Variants in ARFGEF3 observed in about 807,000 individuals in gnomAD.
ARFGEF3 encodes the protein ARFGEF family member 3.
In ARFGEF3, 96 loss-of-function variants were observed where a neutral mutation model predicts 221.7. The ratio of observed to expected loss-of-function variants is 0.43; its 90% confidence interval spans 0.37 to 0.51. The LOEUF is 0.51. Among genes scored for constraint, ARFGEF3 ranks in the 20% least tolerant of loss-of-function variants. The pLI, the probability that ARFGEF3 is intolerant of heterozygous loss-of-function variation, is 0.00. For synonymous variants in ARFGEF3, 1,145 were observed against 1,126.8 expected, an observed-to-expected ratio of 1.02 and a Z score of -0.32; for missense variants, 2,410 against 2,789.9, an observed-to-expected ratio of 0.86 and a Z score of 3.07.
At chr6:138,175,999 C>T (rs1399688282) in intron 2 of ARFGEF3, among the ~76,000 whole-genome samples, 1 of 151,958 alleles carries the variant, frequency 6.6e-6, no homozygotes, top group Non-Finnish European at 1.5e-5. Context: ...TATATAATGA[C>T]CTTCTTTGTC....
At position 138,265,973 on chromosome 6, in the gene ARFGEF3, T is replaced by C. The variant is rs144312138; in HGVS notation, c.2128+2362T>C. 5.9e-3 allele frequency among the ~76,000 whole-genome samples: 892 copies of C among 152,124 alleles called. 9 individuals carry two copies. The highest frequency in any genetic ancestry group is 0.021 in the African/African-American group (854 of 41,506). ...GCTCACACCTGCCATCCCAGCACTT[T>C]AGGAGGCTGAGACGGGTGGATTGCT... On this transcript the variant is annotated intron_variant, in intron 12 of 33. Coordinates refer to ENST00000251691, the MANE Select transcript of ARFGEF3 (RefSeq NM_020340.5).
At chr6:138,242,595 A>G (rs145120138) in intron 6 of ARFGEF3, among the ~76,000 whole-genome samples, 105 of 151,990 alleles carry the variant, frequency 6.9e-4, no homozygotes, top group African/African-American at 2.4e-3. Flanking sequence ...AAATTAACTC[A>G]CCTCTTCAGG....
intron 20 of ARFGEF3, among the ~76,000 whole-genome samples, chr6:138,296,164 A>G (rs544921794): frequency 6.6e-6 from 1 of 152,126 alleles, no homozygotes; most frequent in Non-Finnish European, 1.5e-5. Context: ...GTAGGCAAGG[A>G]TGGTACTAAA....
At chr6:138,163,591 G>A (rs1263858452) in intron 1 of ARFGEF3, among the ~76,000 whole-genome samples, 2 of 152,182 alleles carry the variant, frequency 1.3e-5, no homozygotes, top group Non-Finnish European at 2.9e-5. Context: ...TAGATAAACA[G>A]GGAGGAGGAG....
intron 8 of ARFGEF3, among the ~76,000 whole-genome samples, chr6:138,245,981 C>A (rs1356936823): frequency 6.6e-6 from 1 of 152,202 alleles, no homozygotes; most frequent in Non-Finnish European, 1.5e-5. Flanking sequence ...GCTGCCCTTT[C>A]TTCCTCTACC....
In ARFGEF3 at chr6:138,342,077, A is replaced by T. The variant is rs752834185; in HGVS notation, c.*5591A>T. 5.3e-5 allele frequency: 8 copies of T among 152,174 alleles called. No homozygotes were observed. The highest frequency in any genetic ancestry group is 1.2e-4 in the Non-Finnish European group (8 of 68,030). 9.4% of individuals were successfully genotyped at this position (152,174 alleles called of 1,614,324 possible). ...CCACCAACAACTGTTCGTACTGTTA[A>T]TTCCTATCCTGAAGGTTTAACCAGT... On this transcript the variant is annotated 3_prime_UTR_variant, in exon 34 of 34. Coordinates refer to ENST00000251691, the MANE Select transcript of ARFGEF3 (RefSeq NM_020340.5).
chr6:138,277,447 G>T (rs1779119480), intron 12 of ARFGEF3, among the ~76,000 whole-genome samples: 1 of 152,214 alleles, frequency 6.6e-6, no homozygotes, highest in South Asian at 2.1e-4. Context: ...ACAAACGTCT[G>T]TTCAAATCCC....
chr6:138,290,058 A>G, intron 18 of ARFGEF3, 90 bp downstream of exon 18: 1 of 1,222,472 alleles, frequency 8.2e-7, no homozygotes, highest in South Asian at 1.5e-5. Flanking sequence ...GGTGGCCTTA[A>G]GAGCCTGCCA....
rs1362172363 is a variant in ARFGEF3 at position 138,219,526 on chromosome 6, T to C, written c.351+9485T>C. ...CAGAGGTACCAGGACTTAATCCAGG[T>C]AGGTGGCAGTAGGAAGGGGCCACCT... On this transcript the variant is annotated intron_variant, in intron 4 of 33. Coordinates refer to ENST00000251691, the MANE Select transcript of ARFGEF3 (RefSeq NM_020340.5). Among the ~76,000 whole-genome samples, 6 of 152,290 alleles carry C rather than the reference T, an allele frequency of 3.9e-5. No homozygotes were observed. The East Asian group carries it at 1.2e-3, about 29-fold the overall frequency.
At chr6:138,182,696 T>C (rs1419071671) in intron 2 of ARFGEF3, among the ~76,000 whole-genome samples, 2 of 152,236 alleles carry the variant, frequency 1.3e-5, no homozygotes, top group African/African-American at 4.8e-5. Context: ...TGAGTAATTA[T>C]GTAATTAAAT....
intron 1 of ARFGEF3, among the ~76,000 whole-genome samples, chr6:138,166,966 C>T (rs1776735501): frequency 6.6e-6 from 1 of 152,182 alleles, no homozygotes; most frequent in Non-Finnish European, 1.5e-5. Context: ...TCACCTTCTA[C>T]TCTGTCTTCA....
chr6:138,236,814 CA>C (rs749106703), intron 5 of ARFGEF3, among the ~76,000 whole-genome samples: 5 of 152,168 alleles, frequency 3.3e-5, no homozygotes, highest in Admixed American at 6.5e-5. Flanking sequence ...ATTGTATCTT[CA>C]AATCCACTAT....
chr6:138,187,974 A>G (rs561229885), intron 2 of ARFGEF3, among the ~76,000 whole-genome samples: 1 of 152,344 alleles, frequency 6.6e-6, no homozygotes, highest in South Asian at 2.1e-4. Flanking sequence ...AGGGAAAGGA[A>G]AAACACCTGT....
chr6:138,258,415 G>A (rs1350737921), intron 10 of ARFGEF3, among the ~76,000 whole-genome samples: 2 of 152,182 alleles, frequency 1.3e-5, no homozygotes, highest in South Asian at 2.1e-4. Flanking sequence ...TCTGGGGGGA[G>A]AAGTGACTTG....
In ARFGEF3 at chr6:138,291,958, C is replaced by T. The variant is rs991895099; in HGVS notation, c.3273C>T (p.Gly1091=). 1 of 1,530,736 alleles carries T rather than the reference C, an allele frequency of 6.5e-7. No homozygotes were observed. Among genetic ancestry groups the T allele is most frequent in the Non-Finnish European group, 8.8e-7 (1 of 1,140,374 alleles). 94.8% of individuals were successfully genotyped at this position (1,530,736 alleles called of 1,614,324 possible). Residue 1091 remains glycine (G), a synonymous_variant, in exon 19 of 34, where the codon GGC becomes GGT. Coordinates refer to ENST00000251691, the MANE Select transcript of ARFGEF3 (RefSeq NM_020340.5). This position sits in a 1 kb window ranked among gnomAD's most constrained non-coding sequence, Gnocchi z 4.5. The part of the protein sequence containing the change: ...PLSIQDLVRE[G]SRGRASDFRG... ...CCATCCAGGACCTCGTCCGGGAAGG[C>T]AGCCGGGGTCGGGCCTCCGACTTCC...
intron 24 of ARFGEF3, 58 bp from the exon 25 acceptor site, chr6:138,311,349 T>A (rs993117226): frequency 9.2e-7 from 1 of 1,086,764 alleles, no homozygotes; most frequent in African/African-American, 1.6e-5. Context: ...AGGTCTCCTG[T>A]TACAGGGGGG....
intron 12 of ARFGEF3, among the ~76,000 whole-genome samples, chr6:138,275,371 C>A (rs543693937): frequency 6.6e-6 from 1 of 152,180 alleles, no homozygotes; most frequent in South Asian, 2.1e-4. Flanking sequence ...GTTTATACTG[C>A]CCTCAAATAT....
Position 138,342,808 on chromosome 6 carries a change from T to C in ARFGEF3, c.*6322T>C, listed in dbSNP as rs1400062908. The C allele has an allele frequency of 6.6e-6, 1 of 152,234 alleles. No homozygotes were observed. The highest frequency in any genetic ancestry group is 1.5e-5 in the Non-Finnish European group (1 of 68,042). The allele number at this position is 152,234 out of a possible 1,614,324, so 9.4% of individuals were successfully genotyped here. On this transcript the variant is annotated 3_prime_UTR_variant, in exon 34 of 34. Transcript: ENST00000251691. ...GCCATTTGAGATGAGATGAGACTAC[T>C]TGTTGTACCTTCATCTTTCATTTAA...
intron 8 of ARFGEF3, 103 bp from the exon 9 acceptor site, chr6:138,253,777 C>T (rs1778622308): frequency 1.1e-6 from 1 of 896,220 alleles, no homozygotes; most frequent in Non-Finnish European, 1.8e-6. Flanking sequence ...AAAACTAGCA[C>T]TTTAGTAACG....
Sources: allele counts gnomAD v4.1 joint callset (sites outside exome capture counted in the v4.1 genomes callset), GRCh38; gene constraint gnomAD v4.1.1; non-coding constraint Gnocchi (gnomAD v3.1); transcripts MANE v1.5; gene names NCBI Gene and HGNC (gene_info 2026-07-23, HGNC 2026-07-21).